Variants in TKT observed in about 807,000 individuals in gnomAD.
The protein encoded by TKT is transketolase, also known as epididymis luminal protein 107.
TKT carries 47 observed loss-of-function variants against 63.9 expected under a neutral mutation model. That is an observed-to-expected ratio of 0.74 (90% CI 0.58 to 0.94). The LOEUF is 0.94. Among genes scored for constraint, TKT ranks in the 40% least tolerant of loss-of-function variants. TKT has a pLI of 0.00. For synonymous variants in TKT, 338 were observed against 334.1 expected (o/e 1.01, Z -0.13); for missense variants, 721 against 846.2 (o/e 0.85, Z 1.84).
chr3:53,241,620 C>G (rs1705278918), intron 2 of TKT, among the ~76,000 whole-genome samples: 1 of 152,242 alleles, frequency 6.6e-6, no homozygotes, highest in African/African-American at 2.4e-5. Flanking sequence ...GGAGGCAGGC[C>G]TGAGCACAGG....
rs147211880 is a variant in TKT, at chr3:53,243,901, C to A, written c.108-1659G>T. ...GGGTGGACACTGGGCCAAACTGTTC[C>A]GGGGAAGAACAAGGACGGTAAGTGC... On this transcript the variant is annotated intron_variant, in intron 1 of 13. Transcript: ENST00000462138. Among the ~76,000 whole-genome samples the A allele has an allele frequency of 3.3e-5, 5 of 152,302 alleles. No individual in the cohort carries two copies. The East Asian group carries it at 9.6e-4, about 29-fold the overall frequency.
intron 1 of TKT, among the ~76,000 whole-genome samples, chr3:53,255,476 A>G (rs1330282527): frequency 2.0e-5 from 3 of 152,284 alleles, no homozygotes; most frequent in African/African-American, 7.2e-5. Context: ...GTAGAACAGC[A>G]GTAATGGTGG....
chr3:53,225,922 C>T lies in TKT; in HGVS notation c.1706G>A (p.Gly569Asp). 1.2e-6 allele frequency: 2 copies of T among 1,608,190 alleles called. No homozygotes were observed. Among genetic ancestry groups the T allele is most frequent in the Non-Finnish European group, 1.7e-6 (2 of 1,176,542 alleles). The change falls in exon 14 of 14, where the codon GGT becomes GAT. Residue 569 changes from glycine (G) to aspartate (D), a missense_variant. By Grantham distance (94) the Gly-to-Asp change is moderately conservative (BLOSUM62 -1). Coordinates refer to ENST00000462138, the MANE Select transcript of TKT (RefSeq NM_001064.4). Reference protein sequence around the residue: ...VEDHYYEGGIGEAVSSAVVGE... With the variant: ...VEDHYYEGGIDEAVSSAVVGE... ...CACTACTGCACTGGACACAGCCTCA[C>T]CAATGCCACCTAGAAATGAAAGGAG...
At chr3:53,247,152 T>C (rs1705545304) in intron 1 of TKT, among the ~76,000 whole-genome samples, 1 of 150,590 alleles carries the variant, frequency 6.6e-6, no homozygotes, top group Non-Finnish European at 1.5e-5. Context: ...AGGTCAGGAG[T>C]CTGAGACCAG....
chr3:53,252,017 G>A lies in TKT; in HGVS notation c.107+3819C>T, dbSNP rs578226059. Among the ~76,000 whole-genome samples, 44 of 152,342 alleles carry A rather than the reference G, an allele frequency of 2.9e-4. 2 individuals are homozygous for A. The East Asian group carries it at 6.0e-3, about 21-fold the overall frequency. ...TAGCCGGGCGTGGTGGTGCATGCCT[G>A]TAATCCCAGCTACTTGGGAGGCTGA... is the stretch of plus-strand genomic sequence containing the variant. On this transcript the variant is annotated intron_variant, in intron 1 of 13. Transcript: ENST00000462138.
At chr3:53,241,300 G>A (rs1575569220) in intron 2 of TKT, 55 bp from the exon 3 acceptor site, 12 of 1,494,664 alleles carry the variant, frequency 8.0e-6, no homozygotes, top group Non-Finnish European at 1.1e-5. Context: ...TCTACTTCGG[G>A]CTGTGCCTAC....
At chr3:53,236,900 G>A (rs1344190640) in intron 4 of TKT, among the ~76,000 whole-genome samples, 1 of 152,230 alleles carries the variant, frequency 6.6e-6, no homozygotes, top group Non-Finnish European at 1.5e-5. Flanking sequence ...GGTATTGCCT[G>A]AGCTGTTAGA....
At chr3:53,230,670 C>T in intron 7 of TKT, 49 bp from the exon 8 acceptor site, 1 of 1,605,494 alleles carries the variant, frequency 6.2e-7, no homozygotes, top group Non-Finnish European at 8.5e-7. Flanking sequence ...AGGGTGAGTG[C>T]ACACCTGCAG....
Position 53,230,627 on chromosome 3 carries a change from AG to A in TKT, c.943-7del, listed in dbSNP as rs781977074. The A allele has an allele frequency of 1.2e-6, 2 of 1,613,972 alleles. No individual in the cohort carries two copies. Among genetic ancestry groups the A allele is most frequent in the East Asian group, 2.2e-5 (1 of 44,868 alleles). ...TAGGCCTTGCGGGTGGCTATCTGTG[AG>A]GAAGAGAGTGGGAAGGCTCTGGACC... On this transcript the variant is annotated splice_region_variant and splice_polypyrimidine_tract_variant and intron_variant, in intron 7 of 13. Transcript: ENST00000462138.
At chr3:53,226,950 T>G in intron 12 of TKT, 72 bp from the exon 13 acceptor site, 1 of 1,530,770 alleles carries the variant, frequency 6.5e-7, no homozygotes, top group Non-Finnish European at 8.8e-7. Flanking sequence ...GGGGGCCTGG[T>G]GGGACATCCT....
intron 1 of TKT, among the ~76,000 whole-genome samples, chr3:53,244,185 G>A (rs1259047828): frequency 6.6e-6 from 1 of 152,192 alleles, no homozygotes; most frequent in African/African-American, 2.4e-5. Flanking sequence ...GCTGCATCCA[G>A]CCTGCTGCGG....
At chr3:53,228,900 T>C (rs1318147007) in intron 10 of TKT, 107 bp downstream of exon 10, 78 of 1,498,504 alleles carry the variant, frequency 5.2e-5, no homozygotes, top group Non-Finnish European at 6.6e-5. Context: ...AGGGGCAAGG[T>C]CAGGAAACAC....
In TKT at chr3:53,237,492, TTA is replaced by T. The variant is rs1335661688; in HGVS notation, c.438-2320_438-2319del. On this transcript the variant is annotated intron_variant, in intron 4 of 13. Coordinates refer to ENST00000462138, the MANE Select transcript of TKT (RefSeq NM_001064.4). ...TTAAAGTGTAATACTAGATTTTATATTATACACACACACACACACACACACAC... is the reference window on the plus strand; with the variant it reads ...TTAAAGTGTAATACTAGATTTTATATTACACACACACACACACACACACAC... Among the ~76,000 whole-genome samples, 58 of 98,924 alleles carry T rather than the reference TTA, an allele frequency of 5.9e-4. 1 individual carries two copies. In the Middle Eastern group the frequency reaches 0.014, roughly 24 times the overall value. The allele number at this position is 98,924 out of a possible 152,430, so 64.9% of individuals were successfully genotyped here.
chr3:53,226,986 A>G lies in TKT; in HGVS notation c.1574-108T>C. ...GAGGGCTGCGTGTAGCTAAGAGCTC[A>G]GCCTGCGGGCCTGTCCCTGTCCCAG... On this transcript the variant is annotated intron_variant, in intron 12 of 13. Transcript: ENST00000462138. 5 of 1,394,234 alleles carry G rather than the reference A, an allele frequency of 3.6e-6. No individual in the cohort carries two copies. The South Asian group carries it at 5.6e-5, about 16-fold the overall frequency. 86.4% of individuals were successfully genotyped at this position (1,394,234 alleles called of 1,614,324 possible). A position where few individuals can be genotyped will look rare whatever the true frequency, so the allele number is the denominator to read the frequency against.
intron 13 of TKT, chr3:53,226,525 G>A (rs998126007): frequency 5.4e-6 from 3 of 551,274 alleles, no homozygotes; most frequent in Admixed American, 6.9e-5. Context: ...ATCCTCACCA[G>A]CTTCCTGGGC....
At chr3:53,230,324 C>T in intron 8 of TKT, 133 bp downstream of exon 8, 2 of 1,197,764 alleles carry the variant, frequency 1.7e-6, no homozygotes, top group Non-Finnish European at 2.4e-6. Context: ...AACGCTGGGT[C>T]CTGGCTTTTC....
intron 8 of TKT, 96 bp downstream of exon 8, chr3:53,230,361 G>A: frequency 6.6e-7 from 1 of 1,518,830 alleles, no homozygotes. Flanking sequence ...CTGGCCTACA[G>A]CAGGCACCTG....
chr3:53,253,624 T>G (rs1705854302), intron 1 of TKT, among the ~76,000 whole-genome samples: 1 of 152,134 alleles, frequency 6.6e-6, no homozygotes, highest in South Asian at 2.1e-4. Context: ...AATTAGCCGG[T>G]GCGGTGGCGG....
chr3:53,241,289 T>C, intron 2 of TKT, 44 bp from the exon 3 acceptor site: 1 of 1,546,240 alleles, frequency 6.5e-7, no homozygotes, highest in Non-Finnish European at 8.7e-7. Flanking sequence ...TGGGGAGCGG[T>C]TCTACTTCGG....
Sources: allele counts gnomAD v4.1 joint callset (sites outside exome capture counted in the v4.1 genomes callset), GRCh38; gene constraint gnomAD v4.1.1; transcripts MANE v1.5; gene names NCBI Gene and HGNC (gene_info 2026-07-23, HGNC 2026-07-21).